The following TLDC2 variants were observed in gnomAD, a reference collection of about 807,000 sequenced individuals.
TLDC2 encodes TBC/LysM-associated domain containing 2.
TLDC2 carries 23 observed loss-of-function variants against 27.9 expected under a neutral mutation model. That is an observed-to-expected ratio of 0.82 (90% CI 0.59 to 1.17). The LOEUF is 1.17. Ranked by LOEUF, TLDC2 falls within the 50% of genes most tolerant of loss-of-function variation. TLDC2 has a pLI of 0.00. For synonymous variants in TLDC2, 124 were observed against 107.4 expected, an observed-to-expected ratio of 1.16 and a Z score of -0.96; for missense variants, 286 against 273.4, an observed-to-expected ratio of 1.05 and a Z score of -0.32.
intron 3 of TLDC2, among the ~76,000 whole-genome samples, chr20:36,879,886 A>G (rs76590207): frequency 0.037 from 1,633 of 44,434 alleles, 29 homozygotes; most frequent in East Asian, 0.13. Flanking sequence ...ACCCTGTCTG[A>G]AAAAAAAAAA....
At chr20:36,882,803 G>A (rs1267292131) in intron 4 of TLDC2, among the ~76,000 whole-genome samples, 2 of 152,200 alleles carry the variant, frequency 1.3e-5, no homozygotes, top group African/African-American at 4.8e-5. Flanking sequence ...GCCAGTGCTG[G>A]TACTACTCAT....
chr20:36,879,188 G>C lies in TLDC2; in HGVS notation c.337G>C (p.Gly113Arg), dbSNP rs202081152. The change falls in exon 3 of 7, where the codon GGG becomes CGG. Residue 113 changes from glycine (G) to arginine (R), a missense_variant. Gly to Arg is a moderately radical substitution (Grantham distance 125). Transcript: ENST00000217320. ...GCTGCTGGTGCTCAGGGACCAGGAC[G>C]GGCAGGTGAGCTGGGCAGGGGCACC... Reference protein sequence around the residue: ...PVLLVLRDQDGQIFGAFSSSA... With the variant: ...PVLLVLRDQDRQIFGAFSSSA... 42 of 1,612,188 alleles carry C rather than the reference G, an allele frequency of 2.6e-5. No individual in the cohort carries two copies. The South Asian group carries it at 4.1e-4, about 16-fold the overall frequency.
chr20:36,881,200 G>A (rs982393057), intron 4 of TLDC2, among the ~76,000 whole-genome samples: 19 of 152,034 alleles, frequency 1.2e-4, no homozygotes, highest in Non-Finnish European at 7.4e-5. Flanking sequence ...GCAACATAGT[G>A]AGACCCCCAT....
At chr20:36,878,089 C>T (rs1989716609) in intron 2 of TLDC2, 35 bp downstream of exon 2, 1 of 1,590,456 alleles carries the variant, frequency 6.3e-7, no homozygotes, top group East Asian at 2.2e-5. Flanking sequence ...GAATTTCAGC[C>T]CTAAACCTAA....
intron 4 of TLDC2, among the ~76,000 whole-genome samples, chr20:36,884,113 C>T (rs1183727057): frequency 6.6e-6 from 1 of 151,966 alleles, no homozygotes; most frequent in African/African-American, 2.4e-5. Context: ...AACAAACAAA[C>T]AAAAATGGTG....
At chr20:36,892,235 C>T (rs538105455) in intron 6 of TLDC2, 1 of 154,042 alleles carries the variant, frequency 6.5e-6, no homozygotes, top group East Asian at 1.9e-4. Context: ...GGAGGCCACT[C>T]CTGGCCATCA....
Position 36,887,484 on chromosome 20 carries a change from C to G in TLDC2, c.468C>G (p.Phe156Leu). The G allele has an allele frequency of 1.9e-6, 3 of 1,614,142 alleles. No homozygotes were observed. Among genetic ancestry groups the G allele is most frequent in the Non-Finnish European group, 2.5e-6 (3 of 1,180,006 alleles). Reference protein sequence around the residue: ...KVFKWTGSNSFFVKGDLDSLM... With the variant: ...KVFKWTGSNSLFVKGDLDSLM... ...TTAAGTGGACTGGAAGCAACTCTTT[C>G]TTTGTGAAGGGAGACTTGGATTCAC... Residue 156 changes from phenylalanine to leucine, a missense_variant, in exon 5 of 7, where the codon TTC becomes TTG. Transcript: ENST00000217320.
chr20:36,887,812 G>A (rs1001465910), intron 5 of TLDC2, among the ~76,000 whole-genome samples: 3 of 152,236 alleles, frequency 2.0e-5, no homozygotes, highest in African/African-American at 7.2e-5. Flanking sequence ...ATGGTTGGAT[G>A]AGACTAGCGT....
At position 36,878,022 on chromosome 20, in the gene TLDC2, AG is replaced by A; in HGVS notation, c.158del (p.Ser53ThrfsTer4). On this transcript the variant is annotated frameshift_variant, in exon 2 of 7. Coordinates refer to ENST00000217320, the MANE Select transcript of TLDC2 (RefSeq NM_080628.3). LOFTEE classifies it high-confidence loss of function. ...DPTVPQLTEASQVLSASEIRQ... is the reference protein window; with the variant it reads ...DPTVPQLTEAXQVLSASEIRQ... The stretch of plus-strand genomic sequence containing the variant: ...CACGGTGCCCCAGCTGACAGAAGCC[AG>A]CCAGGTTTTGAGTGCCTCAGAGATT... 6.2e-7 allele frequency: 1 copy of A among 1,614,068 alleles called. No homozygotes were observed.
At chr20:36,876,522 G>A (rs535585961) in intron 1 of TLDC2, among the ~76,000 whole-genome samples, 34 of 152,300 alleles carry the variant, frequency 2.2e-4, no homozygotes, top group African/African-American at 8.2e-4. Flanking sequence ...AGAACAGAGC[G>A]GGGCAGGAGA....
At chr20:36,879,317 A>C in intron 3 of TLDC2, 124 bp downstream of exon 3, 1 of 1,284,660 alleles carries the variant, frequency 7.8e-7, no homozygotes, top group Non-Finnish European at 1.0e-6. Context: ...TATAATGGAC[A>C]CTGATGATGG....
intron 6 of TLDC2, chr20:36,889,856 C>T (rs1046686861): frequency 1.3e-5 from 2 of 152,878 alleles, no homozygotes; most frequent in Admixed American, 1.3e-4. Context: ...AAAATTCAAC[C>T]CCCCCCAACT....
chr20:36,878,045 G>A lies in TLDC2; in HGVS notation c.180G>A (p.Glu60=). Residue 60 remains glutamate, a synonymous_variant, in exon 2 of 7, where the codon GAG becomes GAA. Coordinates refer to ENST00000217320, the MANE Select transcript of TLDC2 (RefSeq NM_080628.3). ...TEASQVLSAS[E]IRQLSFHFPP... ...CCAGCCAGGTTTTGAGTGCCTCAGA[G>A]ATTCGGCAGGTCTGGGCATTGCCCA... The A allele has an allele frequency of 6.2e-7, 1 of 1,613,118 alleles. No individual in the cohort carries two copies. Among genetic ancestry groups the A allele is most frequent in the Non-Finnish European group, 8.5e-7 (1 of 1,179,500 alleles).
chr20:36,890,983 A>T (rs1990061625), intron 6 of TLDC2: 1 of 152,200 alleles, frequency 6.6e-6, no homozygotes, highest in Non-Finnish European at 1.5e-5. Flanking sequence ...ACAGAAATAA[A>T]ATGATTTTAA....
Position 36,893,158 on chromosome 20 carries a change from A to G in TLDC2, c.*314A>G, listed in dbSNP as rs534458534. On this transcript the variant is annotated 3_prime_UTR_variant, in exon 7 of 7. Coordinates refer to ENST00000217320, the MANE Select transcript of TLDC2 (RefSeq NM_080628.3). ...GAAAGTCTCAAGTGCGCACATCCTC[A>G]TCTTGCATATAGATTGCTTCTAGCT... is the stretch of plus-strand genomic sequence containing the variant. 3.4e-6 allele frequency: 5 copies of G among 1,476,340 alleles called. No homozygotes were observed. The highest frequency in any genetic ancestry group is 1.1e-5 in the South Asian group (1 of 87,510). 91.5% of individuals were successfully genotyped at this position (1,476,340 alleles called of 1,614,324 possible).
At chr20:36,887,433 C>CCTTT (rs754021584) in intron 4 of TLDC2, 22 bp from the exon 5 acceptor site, 2 of 1,606,946 alleles carry the variant, frequency 1.2e-6, no homozygotes, top group South Asian at 2.2e-5. Context: ...GTAACCTGAG[C>CCTTT]CTTTCCCTAT....
At chr20:36,890,436 C>CTTTTCTTTCTCTCT (rs2148350197) in intron 6 of TLDC2, 1 of 25,190 alleles carries the variant, frequency 4.0e-5, no homozygotes, top group South Asian at 2.4e-3. Flanking sequence ...TCTCTCTTTC[C>CTTTTCTTTCTCTCT]TTCCTTCCTT....
At chr20:36,880,075 A>ATATATATATATG (rs1989772902) in intron 3 of TLDC2, among the ~76,000 whole-genome samples, 5 of 39,984 alleles carry the variant, frequency 1.3e-4, no homozygotes, top group African/African-American at 3.0e-4. Flanking sequence ...ATATACATAT[A>ATATATATATATG]TATATATATA....
chr20:36,880,075 A>ATATATATATATATATG (rs1555828531), intron 3 of TLDC2, among the ~76,000 whole-genome samples: 598 of 39,962 alleles, frequency 0.015, 11 homozygotes, highest in African/African-American at 0.035. Flanking sequence ...ATATACATAT[A>ATATATATATATATATG]TATATATATA....
Sources: allele counts gnomAD v4.1 joint callset (sites outside exome capture counted in the v4.1 genomes callset), GRCh38; gene constraint gnomAD v4.1.1; transcripts MANE v1.5; gene names NCBI Gene and HGNC (gene_info 2026-07-23, HGNC 2026-07-21).